Variants in TASOR observed in about 807,000 individuals in gnomAD.
TASOR encodes transcription activation suppressor.
A neutral mutation model predicts 178.6 loss-of-function variants in TASOR; 53 were observed. That is an observed-to-expected ratio of 0.30 (90% CI 0.24 to 0.37). The LOEUF (loss-of-function observed/expected upper bound fraction) is 0.37. Among genes scored for constraint, TASOR ranks in the 10% least tolerant of loss-of-function variants. The probability of loss-of-function intolerance (pLI) is 1.00; values close to 1 mark genes in which losing one functional copy is unlikely to be tolerated. For missense variants in TASOR, 1,815 were observed against 1,971.4 expected, an observed-to-expected ratio of 0.92 and a Z score of 1.50; for synonymous variants, 713 against 696.2, an observed-to-expected ratio of 1.02 and a Z score of -0.38.
At position 56,623,111 on chromosome 3, in the gene TASOR, C is replaced by A. The variant is rs890037339; in HGVS notation, c.4939G>T (p.Asp1647Tyr). The A allele has an allele frequency of 4.3e-6, 7 of 1,612,844 alleles. No homozygotes were observed. The African/African-American group carries it at 8.0e-5, about 18-fold the overall frequency. The change falls in exon 24 of 24, where the codon GAT becomes TAT. Residue 1647 changes from aspartate to tyrosine, a missense_variant. Coordinates refer to ENST00000683822, the MANE Select transcript of TASOR (RefSeq NM_001365635.2). ...AAGGGAGGTGGAGATTTATCTCTAT[C>A]CAAGCTTTCAGTATAAGCAGATAAG... The part of the protein sequence containing the change: ...YFLSAYTESL[D>Y]RDKSPPPLSW...
At chr3:56,650,549 A>C (rs891200477) in intron 11 of TASOR, among the ~76,000 whole-genome samples, 1 of 152,214 alleles carries the variant, frequency 6.6e-6, no homozygotes. Context: ...ACTTTGGGGA[A>C]TCTTTCCCCA....
At chr3:56,663,652 C>T in intron 7 of TASOR, 80 bp from the exon 8 acceptor site, 1 of 1,201,848 alleles carries the variant, frequency 8.3e-7, no homozygotes, top group Non-Finnish European at 1.0e-6. Context: ...GATATAAGTG[C>T]AATTTTTAAT....
At chr3:56,679,108 T>C (rs1474737279) in intron 1 of TASOR, among the ~76,000 whole-genome samples, 1 of 152,110 alleles carries the variant, frequency 6.6e-6, no homozygotes, top group Admixed American at 6.5e-5. Flanking sequence ...GACGAAATAA[T>C]TAGCAAGAAG....
At chr3:56,669,132 T>A (rs2030386358) in intron 5 of TASOR, among the ~76,000 whole-genome samples, 1 of 152,022 alleles carries the variant, frequency 6.6e-6, no homozygotes, top group African/African-American at 2.4e-5. Flanking sequence ...ATATAAATCA[T>A]ATTACCAACA....
At chr3:56,644,183 A>G (rs1481646131) in intron 14 of TASOR, among the ~76,000 whole-genome samples, 1 of 152,256 alleles carries the variant, frequency 6.6e-6, no homozygotes, top group African/African-American at 2.4e-5. Flanking sequence ...AACTTTTGGT[A>G]AAGTTATTTA....
chr3:56,651,269 A>T (rs1292897042), intron 11 of TASOR, among the ~76,000 whole-genome samples: 2 of 111,276 alleles, frequency 1.8e-5, no homozygotes, highest in South Asian at 2.7e-4. Flanking sequence ...GGTTATTCTT[A>T]AAAAAAAAAA....
chr3:56,645,835 A>G (rs1370891663), intron 14 of TASOR, among the ~76,000 whole-genome samples: 1 of 152,260 alleles, frequency 6.6e-6, no homozygotes, highest in African/African-American at 2.4e-5. Context: ...TTCTGATATT[A>G]TACTTCTTCA....
Position 56,637,892 on chromosome 3 carries a change from C to A in TASOR, c.2824+814G>T, listed in dbSNP as rs571031811. On this transcript the variant is annotated intron_variant, in intron 17 of 23. Transcript: ENST00000683822. ...CAGACAAAGATTATCTCCTAGGTAC[C>A]CACTGCCAACTAGCTAATCAATAAT... Among the ~76,000 whole-genome samples the A allele has an allele frequency of 3.9e-5, 6 of 152,042 alleles. No homozygotes were observed. The East Asian group carries it at 1.2e-3, about 29-fold the overall frequency.
chr3:56,638,229 G>A (rs2077055052), intron 17 of TASOR, among the ~76,000 whole-genome samples: 1 of 152,184 alleles, frequency 6.6e-6, no homozygotes, highest in East Asian at 1.9e-4. Context: ...GCTGGGCATG[G>A]TGGCATGCGC....
rs752786611 is a variant in TASOR, at chr3:56,624,865, A to T, written c.4281T>A (p.Ala1427=). Residue 1427 remains alanine (A), a synonymous_variant, in exon 22 of 24, where the codon GCT becomes GCA. Coordinates refer to ENST00000683822, the MANE Select transcript of TASOR (RefSeq NM_001365635.2). ...PELDCLIRLQ[A]QNIQQRHIVF... ...CTATGTGTCGTTGCTGTATGTTCTG[A>T]GCCTGAAGTCTGATAAGGCAATCCA... is the stretch of plus-strand genomic sequence containing the variant. The T allele has an allele frequency of 1.9e-6, 3 of 1,614,150 alleles. No homozygotes were observed. Among genetic ancestry groups the T allele is most frequent in the Non-Finnish European group, 2.5e-6 (3 of 1,180,012 alleles).
At position 56,623,093 on chromosome 3, in the gene TASOR, G is replaced by A. The variant is rs762858916; in HGVS notation, c.4957C>T (p.Pro1653Ser). The change falls in exon 24 of 24, where the codon CCT becomes TCT. Residue 1653 changes from proline (P) to serine (S), a missense_variant. By Grantham distance (74) the Pro-to-Ser change is moderately conservative. Coordinates refer to ENST00000683822, the MANE Select transcript of TASOR (RefSeq NM_001365635.2). The part of the protein sequence containing the change: ...TESLDRDKSP[P>S]PLSWGKSDSS... ...TCACTTTTCCCCCAACTTAAGGGAGGTGGAGATTTATCTCTATCCAAGCTT... is the reference window on the plus strand; with the variant it reads ...TCACTTTTCCCCCAACTTAAGGGAGATGGAGATTTATCTCTATCCAAGCTT... 2 of 1,609,990 alleles carry A rather than the reference G, an allele frequency of 1.2e-6. No homozygotes were observed. The highest frequency in any genetic ancestry group is 8.5e-7 in the Non-Finnish European group (1 of 1,178,384).
At chr3:56,667,855 A>C (rs187764392) in intron 6 of TASOR, among the ~76,000 whole-genome samples, 8 of 152,340 alleles carry the variant, frequency 5.3e-5, no homozygotes, top group Admixed American at 5.2e-4. Context: ...AGCTCATCAA[A>C]TGTTACTCTT....
At chr3:56,657,570 A>C (rs573191323) in intron 11 of TASOR, among the ~76,000 whole-genome samples, 1 of 152,278 alleles carries the variant, frequency 6.6e-6, no homozygotes, top group South Asian at 2.1e-4. Context: ...TCTGCTCCAC[A>C]ATAATAAAAC....
Position 56,683,208 on chromosome 3 carries a change from G to C in TASOR, c.-202C>G. 2 of 525,450 alleles carry C rather than the reference G, an allele frequency of 3.8e-6. No homozygotes were observed. The highest frequency in any genetic ancestry group is 6.6e-6 in the Non-Finnish European group (2 of 303,790). 32.5% of individuals were successfully genotyped at this position (525,450 alleles called of 1,614,324 possible). A position where few individuals can be genotyped will look rare whatever the true frequency, so the allele number is the denominator to read the frequency against. On this transcript the variant is annotated 5_prime_UTR_variant, in exon 1 of 24. Transcript: ENST00000683822. Reference sequence around the variant, plus strand: ...ACCCCAAATGCGCTGCCCGGTCCTCGGAGCCGCTCCTCCCTCGGGCAGTTC... The same window carrying C: ...ACCCCAAATGCGCTGCCCGGTCCTCCGAGCCGCTCCTCCCTCGGGCAGTTC...
At chr3:56,646,224 T>G (rs17288873) in intron 14 of TASOR, among the ~76,000 whole-genome samples, 7,473 of 152,288 alleles carry the variant, frequency 0.049, 192 homozygotes, top group East Asian at 0.091. Context: ...ACCAAACAAT[T>G]TAGAAATCTG....
chr3:56,680,546 A>G (rs1428540974), intron 1 of TASOR, among the ~76,000 whole-genome samples: 1 of 148,726 alleles, frequency 6.7e-6, no homozygotes, highest in Non-Finnish European at 1.5e-5. Context: ...TAAAATATGA[A>G]TGCAACAGAA....
intron 17 of TASOR, among the ~76,000 whole-genome samples, chr3:56,635,913 A>G (rs1343732239): frequency 6.6e-6 from 1 of 152,242 alleles, no homozygotes; most frequent in Non-Finnish European, 1.5e-5. Context: ...AGAATTTTCC[A>G]TAATTAAAAA....
intron 18 of TASOR, among the ~76,000 whole-genome samples, chr3:56,629,290 T>TCTAGGTTGA (rs1429035130): frequency 1.3e-5 from 2 of 152,094 alleles, no homozygotes; most frequent in Non-Finnish European, 2.9e-5. Flanking sequence ...ATGATTAGAC[T>TCTAGGTTGA]CTAGGTTGAC....
At position 56,623,255 on chromosome 3, in the gene TASOR, G is replaced by A; in HGVS notation, c.4795C>T (p.His1599Tyr). The A allele has an allele frequency of 6.2e-7, 1 of 1,613,436 alleles. No homozygotes were observed. Among genetic ancestry groups the A allele is most frequent in the Non-Finnish European group, 8.5e-7 (1 of 1,179,868 alleles). Reference protein sequence around the residue: ...QDSYSNFQVYHSQLNMSHQFS... With the variant: ...QDSYSNFQVYYSQLNMSHQFS... ...TGATGGGACATATTTAATTGACTAT[G>A]ATAAACCTGAAAGTTACTATATGAA... The change falls in exon 24 of 24, where the codon CAT (histidine) becomes TAT (tyrosine). Residue 1599 changes from histidine to tyrosine, a missense_variant. Physicochemically the swap from His to Tyr is moderately conservative, Grantham distance 83. Around this residue, in one of 5 missense-constraint regions of TASOR, gnomAD observed 278 missense variants for 257.1 expected, o/e 1.08. Coordinates refer to ENST00000683822, the MANE Select transcript of TASOR (RefSeq NM_001365635.2).
Sources: allele counts gnomAD v4.1 joint callset (sites outside exome capture counted in the v4.1 genomes callset), GRCh38; gene constraint gnomAD v4.1.1; regional missense constraint gnomAD v4.1.1; transcripts MANE v1.5; gene names NCBI Gene and HGNC (gene_info 2026-07-23, HGNC 2026-07-21).